Variants in FLYWCH2 observed in about 807,000 individuals in gnomAD.
FLYWCH2 encodes the protein FLYWCH family member 2.
In FLYWCH2, 2 loss-of-function variants were observed where a neutral mutation model predicts 6.0. That is an observed-to-expected ratio of 0.33 (90% CI 0.14 to 1.04). FLYWCH2 has a LOEUF of 1.04. Among genes scored for constraint, FLYWCH2 ranks in the 50% least tolerant of loss-of-function variants. The probability of loss-of-function intolerance (pLI) is 0.45; values close to 1 mark genes in which losing one functional copy is unlikely to be tolerated. For missense variants in FLYWCH2, 192 were observed against 183.4 expected, an observed-to-expected ratio of 1.05 and a Z score of -0.27; for synonymous variants, 87 against 79.3, an observed-to-expected ratio of 1.10 and a Z score of -0.52.
chr16:2,883,209 C>G (rs1193213017), upstream of FLYWCH2: 3 of 152,314 alleles, frequency 2.0e-5, no homozygotes. Flanking sequence ...AGGAGCGGCC[C>G]CAGCCAGAAG....
intron 3 of FLYWCH2, 185 bp from the exon 4 acceptor site, chr16:2,898,864 G>A (rs1567307371): frequency 4.1e-6 from 2 of 487,898 alleles, no homozygotes; most frequent in East Asian, 3.5e-5. Flanking sequence ...AGCTTTTGTG[G>A]CCCTGGCCTG....
intron 1 of FLYWCH2, among the ~76,000 whole-genome samples, chr16:2,886,614 T>G (rs2069702051): frequency 7.2e-6 from 1 of 138,988 alleles, no homozygotes; most frequent in East Asian, 2.1e-4. Context: ...CTCCGCCTCC[T>G]GGGTTCAAGC....
chr16:2,891,850 A>C (rs2069761743), intron 1 of FLYWCH2, among the ~76,000 whole-genome samples: 1 of 151,976 alleles, frequency 6.6e-6, no homozygotes, highest in African/African-American at 2.4e-5. Flanking sequence ...TCAGGTTGCT[A>C]TGACCCCTTC....
intron 1 of FLYWCH2, among the ~76,000 whole-genome samples, chr16:2,888,094 C>T (rs1451579943): frequency 1.3e-5 from 2 of 151,924 alleles, no homozygotes; most frequent in Non-Finnish European, 2.9e-5. Context: ...CTGCAACCTC[C>T]GCCTCCCGGG....
At chr16:2,886,218 A>T (rs9933233) in intron 1 of FLYWCH2, among the ~76,000 whole-genome samples, 71,246 of 151,384 alleles carry the variant, frequency 0.47, 17,508 homozygotes, top group Non-Finnish European at 0.55. Context: ...TACCACTTTG[A>T]TGCCCAGGCT....
intron 1 of FLYWCH2, among the ~76,000 whole-genome samples, chr16:2,892,437 A>G (rs981269606): frequency 5.3e-5 from 8 of 151,990 alleles, no homozygotes; most frequent in Non-Finnish European, 1.2e-4. Context: ...CAGAAGTTGC[A>G]GTGAGCCAAG....
chr16:2,887,478 T>G (rs2069712062), intron 1 of FLYWCH2, among the ~76,000 whole-genome samples: 2 of 151,290 alleles, frequency 1.3e-5, no homozygotes, highest in South Asian at 4.2e-4. Context: ...TTATTTAGAG[T>G]TAATTTTTGT....
At chr16:2,888,375 A>T in intron 1 of FLYWCH2, among the ~76,000 whole-genome samples, 1 of 148,026 alleles carries the variant, frequency 6.8e-6, no homozygotes. Flanking sequence ...ATATATTTTG[A>T]GATAGAGATG....
At chr16:2,896,895 G>A (rs547312768) in intron 3 of FLYWCH2, 124 bp downstream of exon 3, 17 of 942,660 alleles carry the variant, frequency 1.8e-5, no homozygotes, top group East Asian at 7.8e-5. Context: ...CTTTGACCAC[G>A]TGTGGAGAGC....
At chr16:2,896,307 T>TC (rs1055355360) in intron 2 of FLYWCH2, 45 bp from the exon 3 acceptor site, 1 of 1,112,564 alleles carries the variant, frequency 9.0e-7, no homozygotes, top group Non-Finnish European at 1.2e-6. Context: ...GTCTAGAGCC[T>TC]CCCAAGGGCT....
At chr16:2,898,577 C>T (rs1163257570) in intron 3 of FLYWCH2, among the ~76,000 whole-genome samples, 1 of 152,204 alleles carries the variant, frequency 6.6e-6, no homozygotes, top group South Asian at 2.1e-4. Context: ...CTCCCAGCCC[C>T]TTTGAGACTC....
chr16:2,890,228 G>GTT (rs200322274), intron 1 of FLYWCH2, among the ~76,000 whole-genome samples: 246 of 139,992 alleles, frequency 1.8e-3, no homozygotes, highest in African/African-American at 6.9e-3. Flanking sequence ...TTTTGTTTTT[G>GTT]TTTTTTTTTT....
chr16:2,898,991 C>T (rs2150852960), intron 3 of FLYWCH2, 58 bp from the exon 4 acceptor site: 1 of 1,434,354 alleles, frequency 7.0e-7, no homozygotes, highest in Non-Finnish European at 9.6e-7. Flanking sequence ...CCCCAACAGC[C>T]AAGCTGAGCC....
At chr16:2,894,719 G>A (rs1240317955) in intron 1 of FLYWCH2, among the ~76,000 whole-genome samples, 2 of 152,244 alleles carry the variant, frequency 1.3e-5, no homozygotes, top group African/African-American at 4.8e-5. Flanking sequence ...GTGCCCCTGG[G>A]GTGGGGGCTT....
chr16:2,889,954 G>C (rs1176663306), intron 1 of FLYWCH2, among the ~76,000 whole-genome samples: 1 of 152,100 alleles, frequency 6.6e-6, no homozygotes, highest in Non-Finnish European at 1.5e-5. Flanking sequence ...GCGTAGTGGT[G>C]CGTGTCTGTA....
In FLYWCH2 at chr16:2,883,590, A is replaced by G. The variant is rs1347836620; in HGVS notation, c.-200+224A>G. Among the ~76,000 whole-genome samples the G allele has an allele frequency of 2.0e-5, 3 of 150,654 alleles. No homozygotes were observed. In the East Asian group the frequency reaches 5.9e-4, roughly 29 times the overall value. On this transcript the variant is annotated intron_variant, in intron 1 of 3. Transcript: ENST00000396958. ...TTGTCCAAAGCCTCAACACCCCCAC[A>G]CGAAGGAGGTCCGCACTCGCCCGCC...
Position 2,888,589 on chromosome 16 carries a change from A to C in FLYWCH2, c.-200+5223A>C, listed in dbSNP as rs533155434. ...AAGTCTTCCAATCCATGAACATGGG[A>C]TGTCTTTCCATTTGTTTAGGGCTTC... On this transcript the variant is annotated intron_variant, in intron 1 of 3. Transcript: ENST00000396958. Among the ~76,000 whole-genome samples the C allele has an allele frequency of 2.6e-5, 4 of 151,392 alleles. No homozygotes were observed. In the East Asian group the frequency reaches 7.8e-4, roughly 29 times the overall value.
At chr16:2,891,516 TG>T (rs1244165279) in intron 1 of FLYWCH2, among the ~76,000 whole-genome samples, 1 of 152,158 alleles carries the variant, frequency 6.6e-6, no homozygotes, top group Non-Finnish European at 1.5e-5. Context: ...GCCATTCTCT[TG>T]CCTCAGCCTC....
chr16:2,885,118 C>G (rs182055293), intron 1 of FLYWCH2, among the ~76,000 whole-genome samples: 6 of 152,028 alleles, frequency 3.9e-5, no homozygotes, highest in African/African-American at 1.2e-4. Context: ...GTCAGGAGAT[C>G]GAGACCATCC....
Sources: gnomAD v4.1 joint callset for allele counts (sites outside exome capture counted in the v4.1 genomes callset) on GRCh38, gnomAD v4.1.1 for gene constraint, MANE v1.5 for transcripts, NCBI Gene and HGNC (gene_info 2026-07-23, HGNC 2026-07-21) for gene names.